Variants in SCARB1 observed in about 807,000 individuals in gnomAD.
SCARB1 encodes CD36 and LIMPII analogous 1.
Under a neutral mutation model 57.2 loss-of-function variants are expected in SCARB1, and 30 were observed. The observed-to-expected ratio is 0.52, with a 90% CI of 0.39 to 0.71. The LOEUF is 0.71. Among genes scored for constraint, SCARB1 ranks in the 30% least tolerant of loss-of-function variants. The pLI is 0.00. For missense variants in SCARB1, 543 were observed against 671.2 expected (o/e 0.81, Z 2.11); for synonymous variants, 249 against 268.3 (o/e 0.93, Z 0.70).
chr12:124,786,015 C>T (rs1005763351), intron 11 of SCARB1: 46 of 1,463,738 alleles, frequency 3.1e-5, no homozygotes, highest in Non-Finnish European at 4.1e-5. Context: ...TACTGCTGTA[C>T]GTCCCCTCGC....
At chr12:124,848,431 C>T (rs1485246180) in intron 1 of SCARB1, among the ~76,000 whole-genome samples, 3 of 152,148 alleles carry the variant, frequency 2.0e-5, no homozygotes, top group African/African-American at 2.4e-5. Context: ...TTATTGGGGC[C>T]GTAAGGGAAT....
At position 124,830,584 on chromosome 12, in the gene SCARB1, C is replaced by T. The variant is rs193044230; in HGVS notation, c.127-12877G>A. On this transcript the variant is annotated intron_variant, in intron 1 of 12. Coordinates refer to ENST00000261693, the MANE Select transcript of SCARB1 (RefSeq NM_005505.5). ...CACGTGCATGAGTCCATATAAGTGA[C>T]GTCCCGGGGAATGGCAAAACCAATC... 1.7e-3 allele frequency among the ~76,000 whole-genome samples: 256 copies of T among 152,048 alleles called. 1 individual carries two copies. The highest frequency in any genetic ancestry group is 3.7e-3 in the South Asian group (18 of 4,804).
intron 2 of SCARB1, among the ~76,000 whole-genome samples, chr12:124,816,583 C>T (rs1255458320): frequency 6.6e-6 from 1 of 152,154 alleles, no homozygotes; most frequent in African/African-American, 2.4e-5. Context: ...TGTGGGTCTC[C>T]AACAGCGGGA....
chr12:124,786,978 CAATA>C (rs907017026), intron 10 of SCARB1, among the ~76,000 whole-genome samples: 15 of 152,052 alleles, frequency 9.9e-5, no homozygotes, highest in Non-Finnish European at 1.8e-4. Context: ...GGGCAAGAAA[CAATA>C]AATACAGTAA....
At chr12:124,857,542 T>C (rs1952693312) in intron 1 of SCARB1, among the ~76,000 whole-genome samples, 2 of 152,188 alleles carry the variant, frequency 1.3e-5, no homozygotes, top group South Asian at 4.1e-4. Context: ...CGCGCCCGCC[T>C]CATTCATTCT....
At chr12:124,836,970 AG>A (rs1951670351) in intron 1 of SCARB1, among the ~76,000 whole-genome samples, 3 of 152,172 alleles carry the variant, frequency 2.0e-5, no homozygotes, top group Admixed American at 2.0e-4. Flanking sequence ...GCCTTGGTAA[AG>A]GCCCAGCACA....
In SCARB1 at chr12:124,861,959, A is replaced by G. The variant is rs182315066; in HGVS notation, c.126+1636T>C. Among the ~76,000 whole-genome samples, 259 of 152,256 alleles carry G rather than the reference A, an allele frequency of 1.7e-3. 4 individuals are homozygous for G. Among genetic ancestry groups the G allele is most frequent in the Admixed American group, 0.015 (230 of 15,292 alleles). On this transcript the variant is annotated intron_variant, in intron 1 of 12. Coordinates refer to ENST00000261693, the MANE Select transcript of SCARB1 (RefSeq NM_005505.5). ...AAAACACCTTGAAATAAGCCCCCGA[A>G]TAACTGAGTTGGCAAGACTCTTTAC...
chr12:124,785,997 G>A, intron 11 of SCARB1: 1 of 1,399,904 alleles, frequency 7.1e-7, no homozygotes, highest in Non-Finnish European at 9.5e-7. Flanking sequence ...GATCTCAGCT[G>A]TCTCCTCTAC....
chr12:124,841,391 A>C (rs1004040527), intron 1 of SCARB1, among the ~76,000 whole-genome samples: 2 of 146,138 alleles, frequency 1.4e-5, no homozygotes, highest in Non-Finnish European at 3.0e-5. Context: ...AAAAAAAAAG[A>C]GAATTGCTTG....
rs1950361190 is a variant in SCARB1, at chr12:124,807,468, C to T, written c.1009+293G>A. On this transcript the variant is annotated intron_variant, in intron 7 of 12. Coordinates refer to ENST00000261693, the MANE Select transcript of SCARB1 (RefSeq NM_005505.5). This position sits in a 1 kb window ranked among gnomAD's most constrained non-coding sequence, Gnocchi z 5.3. ...AGAGCCTCCAGAAGGAACACAGCCG[C>T]CTTGTTCTGAGCGCGGTGAGACCCA... Among the ~76,000 whole-genome samples, 1 of 152,134 alleles carries T rather than the reference C, an allele frequency of 6.6e-6. No individual in the cohort carries two copies. The highest frequency in any genetic ancestry group is 2.1e-4 in the South Asian group (1 of 4,832).
At position 124,800,196 on chromosome 12, in the gene SCARB1, C is replaced by T. The variant is rs372663606; in HGVS notation, c.1056G>A (p.Pro352=). The stretch of plus-strand genomic sequence containing the variant: ...GGCCAGTCACCGCTTCTGCCAGAAC[C>T]GGGTCAGCGTTGAGGAAGTGAGGAT... The part of the protein sequence containing the change: ...LSHPHFLNAD[P]VLAEAVTGLH... Residue 352 remains proline, a synonymous_variant, in exon 8 of 13, where the codon CCG becomes CCA. Transcript: ENST00000261693. The surrounding 1 kb of genome is among the most constrained non-coding windows in gnomAD (Gnocchi z 4.8). 308 of 1,613,932 alleles carry T rather than the reference C, an allele frequency of 1.9e-4. No individual in the cohort carries two copies. Among genetic ancestry groups the T allele is most frequent in the Admixed American group, 9.0e-4 (54 of 60,008 alleles).
intron 1 of SCARB1, among the ~76,000 whole-genome samples, chr12:124,829,715 C>G (rs868670548): frequency 6.6e-6 from 1 of 152,216 alleles, no homozygotes; most frequent in African/African-American, 2.4e-5. Context: ...TCACTTTCTC[C>G]GTGAGACCTT....
rs537199234 is a variant in SCARB1 at position 124,841,160 on chromosome 12, A to G, written c.126+22435T>C. 1.3e-4 allele frequency among the ~76,000 whole-genome samples: 20 copies of G among 152,296 alleles called. No homozygotes were observed. The East Asian group carries it at 1.7e-3, about 13-fold the overall frequency. On this transcript the variant is annotated intron_variant, in intron 1 of 12. Coordinates refer to ENST00000261693, the MANE Select transcript of SCARB1 (RefSeq NM_005505.5). Reference sequence around the variant, plus strand: ...GCCGAGGTGGGCGGATCACGAGGTCAGGAGATTGAGACCATGCTGGCTAAC... The same window carrying G: ...GCCGAGGTGGGCGGATCACGAGGTCGGGAGATTGAGACCATGCTGGCTAAC...
chr12:124,825,213 A>C (rs1408730845), intron 1 of SCARB1, among the ~76,000 whole-genome samples: 1 of 113,790 alleles, frequency 8.8e-6, no homozygotes, highest in African/African-American at 3.6e-5. Flanking sequence ...CAACAGAGCG[A>C]GACTCCATCT....
chr12:124,856,535 C>T (rs542095984), intron 1 of SCARB1, among the ~76,000 whole-genome samples: 1 of 152,364 alleles, frequency 6.6e-6, no homozygotes, highest in South Asian at 2.1e-4. Context: ...TTGAAGCTGT[C>T]TCTCACATGC....
rs1672879 is a variant in SCARB1 at position 124,796,556 on chromosome 12, G to A, written c.1129-1288C>T. ...TTGGTTCTTCTTAACTGAGAGTCGC[G>A]TCCTCATCTGTAAAACAGAGAGAAC... is the stretch of plus-strand genomic sequence containing the variant. On this transcript the variant is annotated intron_variant, in intron 8 of 12. Coordinates refer to ENST00000261693, the MANE Select transcript of SCARB1 (RefSeq NM_005505.5). This position sits in a 1 kb window ranked among gnomAD's most constrained non-coding sequence, Gnocchi z 4.0. 3.3e-5 allele frequency among the ~76,000 whole-genome samples: 5 copies of A among 152,058 alleles called. No homozygotes were observed. Among genetic ancestry groups the A allele is most frequent in the African/African-American group, 7.3e-5 (3 of 41,362 alleles).
intron 9 of SCARB1, among the ~76,000 whole-genome samples, chr12:124,792,043 G>A (rs1015765167): frequency 6.6e-6 from 1 of 152,016 alleles, no homozygotes; most frequent in African/African-American, 2.4e-5. Flanking sequence ...AGTGAAATGG[G>A]CTCACACTAT....
intron 7 of SCARB1, among the ~76,000 whole-genome samples, chr12:124,805,058 A>C (rs1950274733): frequency 6.6e-6 from 1 of 151,358 alleles, no homozygotes; most frequent in African/African-American, 2.4e-5. Context: ...AGTGAATGGA[A>C]GGGGCAATGA....
chr12:124,814,284 T>C lies in SCARB1; in HGVS notation c.548A>G (p.Tyr183Cys), dbSNP rs1950615164. 1 of 1,614,214 alleles carries C rather than the reference T, an allele frequency of 6.2e-7. No individual in the cohort carries two copies. The highest frequency in any genetic ancestry group is 8.5e-7 in the Non-Finnish European group (1 of 1,180,032). ...NRTVGEIMWG[Y>C]KDPLVNLINK... ...GATGAGATTCACAAGGGGGTCCTTG[T>C]AGCCCCACATGATCTCACCCACAGT... Residue 183 changes from tyrosine to cysteine, a missense_variant, in exon 4 of 13, where the codon TAC becomes TGC. Tyr to Cys is a radical substitution (Grantham distance 194). Coordinates refer to ENST00000261693, the MANE Select transcript of SCARB1 (RefSeq NM_005505.5). This position sits in a 1 kb window ranked among gnomAD's most constrained non-coding sequence, Gnocchi z 4.7.
Sources: gnomAD v4.1 joint callset for allele counts (sites outside exome capture counted in the v4.1 genomes callset) on GRCh38, gnomAD v4.1.1 for gene constraint, Gnocchi (gnomAD v3.1) non-coding constraint, MANE v1.5 for transcripts, NCBI Gene and HGNC (gene_info 2026-07-23, HGNC 2026-07-21) for gene names.